Variants in NEGR1 observed in about 807,000 individuals in gnomAD.
The protein encoded by NEGR1 is IgLON family member 4.
A neutral mutation model predicts 40.9 loss-of-function variants in NEGR1; 10 were observed. The observed-to-expected ratio is 0.24, with a 90% CI of 0.15 to 0.42. The LOEUF (loss-of-function observed/expected upper bound fraction) is 0.42. NEGR1 is among the 10% of genes least tolerant of loss of function. The probability of loss-of-function intolerance (pLI) is 1.00; values close to 1 mark genes in which losing one functional copy is unlikely to be tolerated. For missense variants in NEGR1, 352 were observed against 438.9 expected (o/e 0.80, Z 1.77); for synonymous variants, 185 against 166.8 (o/e 1.11, Z -0.84).
At chr1:71,802,005 G>C (rs995789496) in intron 2 of NEGR1, among the ~76,000 whole-genome samples, 1 of 152,126 alleles carries the variant, frequency 6.6e-6, no homozygotes, top group Non-Finnish European at 1.5e-5. Flanking sequence ...ATCAGAGACT[G>C]AAAGAAAAAC....
At chr1:71,846,906 A>C (rs1402753344) in intron 2 of NEGR1, among the ~76,000 whole-genome samples, 2 of 152,146 alleles carry the variant, frequency 1.3e-5, no homozygotes, top group Non-Finnish European at 2.9e-5. Flanking sequence ...TGATACTGTT[A>C]CATTTGGTAT....
intron 4 of NEGR1, among the ~76,000 whole-genome samples, chr1:71,642,778 G>A (rs1184981743): frequency 6.6e-6 from 1 of 151,902 alleles, no homozygotes; most frequent in Admixed American, 6.6e-5. Flanking sequence ...ATCTATAAAT[G>A]TTTATTCTAT....
At chr1:71,704,142 ATCTC>A (rs151137477) in intron 3 of NEGR1, among the ~76,000 whole-genome samples, 87 of 139,218 alleles carry the variant, frequency 6.2e-4, no homozygotes, top group Non-Finnish European at 9.7e-4. Context: ...AGAAAATAGA[ATCTC>A]TCTCTCTCTC....
At chr1:71,697,710 T>C (rs954868515) in intron 4 of NEGR1, among the ~76,000 whole-genome samples, 1 of 151,762 alleles carries the variant, frequency 6.6e-6, no homozygotes, top group Non-Finnish European at 1.5e-5. Flanking sequence ...AACACCAGCA[T>C]ATGGCTACAG....
intron 1 of NEGR1, among the ~76,000 whole-genome samples, chr1:72,014,844 G>A (rs1022849651): frequency 1.3e-5 from 2 of 151,626 alleles, no homozygotes; most frequent in Non-Finnish European, 2.9e-5. Flanking sequence ...GGTCTTCAAT[G>A]TAACAATAAT....
intron 4 of NEGR1, among the ~76,000 whole-genome samples, chr1:71,634,922 A>G (rs1180377961): frequency 6.6e-6 from 1 of 152,252 alleles, no homozygotes; most frequent in East Asian, 1.9e-4. Context: ...CACAGGTTTA[A>G]GAGGCAGTTT....
At chr1:71,746,393 GA>G (rs1479920130) in intron 3 of NEGR1, among the ~76,000 whole-genome samples, 1 of 152,172 alleles carries the variant, frequency 6.6e-6, no homozygotes, top group Non-Finnish European at 1.5e-5. Flanking sequence ...AGCAAACTTA[GA>G]TAGGTGTTTC....
chr1:72,173,221 T>A (rs558525748), intron 1 of NEGR1, among the ~76,000 whole-genome samples: 1 of 150,946 alleles, frequency 6.6e-6, no homozygotes, highest in African/African-American at 2.4e-5. Flanking sequence ...TTGCCCAGAA[T>A]GGTCTCAAAC....
chr1:71,801,016 CT>C (rs1213437527), intron 2 of NEGR1, among the ~76,000 whole-genome samples: 1 of 152,194 alleles, frequency 6.6e-6, no homozygotes, highest in Non-Finnish European at 1.5e-5. Context: ...TTCCCTGCAA[CT>C]ACCTTCTTTC....
chr1:71,789,860 C>T (rs1657046849), intron 2 of NEGR1, among the ~76,000 whole-genome samples: 1 of 152,018 alleles, frequency 6.6e-6, no homozygotes, highest in African/African-American at 2.4e-5. Flanking sequence ...GTGGAAAATC[C>T]AAATATGCTA....
intron 6 of NEGR1, among the ~76,000 whole-genome samples, chr1:71,419,176 T>C (rs571633722): frequency 6.6e-6 from 1 of 152,318 alleles, no homozygotes; most frequent in African/African-American, 2.4e-5. Flanking sequence ...CCCACCAGTG[T>C]TCCAAAATTC....
intron 3 of NEGR1, among the ~76,000 whole-genome samples, chr1:71,720,565 C>T (rs1226733044): frequency 6.6e-6 from 1 of 152,094 alleles, no homozygotes; most frequent in African/African-American, 2.4e-5. Context: ...ACATATAAAC[C>T]TGTTGGTACT....
chr1:71,770,097 A>T (rs1273227089), intron 3 of NEGR1, among the ~76,000 whole-genome samples: 1 of 152,190 alleles, frequency 6.6e-6, no homozygotes, highest in East Asian at 1.9e-4. Context: ...AAATGAAATC[A>T]TACACTTCAC....
chr1:71,749,988 C>CTTTTTTTTTTTTTTTTTTTT lies in NEGR1; in HGVS notation c.535+26183_535+26184insAAAAAAAAAAAAAAAAAAAA, dbSNP rs768011020. Among the ~76,000 whole-genome samples the CTTTTTTTTTTTTTTTTTTTT allele has an allele frequency of 5.9e-5, 8 of 136,634 alleles. 1 individual carries two copies. Among genetic ancestry groups the CTTTTTTTTTTTTTTTTTTTT allele is most frequent in the African/African-American group, 1.9e-4 (7 of 36,196 alleles). The allele number at this position is 136,634 out of a possible 152,430, so 89.6% of individuals were successfully genotyped here. A position where few individuals can be genotyped will look rare whatever the true frequency, so the allele number is the denominator to read the frequency against. On this transcript the variant is annotated intron_variant, in intron 3 of 6. Transcript: ENST00000357731. The stretch of plus-strand genomic sequence containing the variant: ...TCCTGATGAAATGGTTTGCTCCTTT[C>CTTTTTTTTTTTTTTTTTTTT]TTTTTTTTTTTTTTTTGAGACGGAG...
chr1:71,695,005 G>A (rs1274558891), intron 4 of NEGR1, among the ~76,000 whole-genome samples: 1 of 151,710 alleles, frequency 6.6e-6, no homozygotes, highest in Non-Finnish European at 1.5e-5. Flanking sequence ...ACTCAATTTT[G>A]GGCTTTGACA....
intron 3 of NEGR1, among the ~76,000 whole-genome samples, chr1:71,734,869 A>G (rs1376696262): frequency 1.3e-5 from 2 of 151,906 alleles, no homozygotes; most frequent in Non-Finnish European, 2.9e-5. Flanking sequence ...TGTCCTCTTC[A>G]GTTCTCTTGT....
In NEGR1 at chr1:71,927,421, T is replaced by G. The variant is rs1336605775; in HGVS notation, c.409+7658A>C. 3.3e-5 allele frequency among the ~76,000 whole-genome samples: 5 copies of G among 152,262 alleles called. No homozygotes were observed. The East Asian group carries it at 9.7e-4, about 29-fold the overall frequency. On this transcript the variant is annotated intron_variant, in intron 2 of 6. Transcript: ENST00000357731. ...ATATTTGGGAAAATAATCTTAGATC[T>G]GAATTTGTCTGTGAAGGTACATTTG... is the stretch of plus-strand genomic sequence containing the variant.
chr1:72,080,396 T>C (rs1457749725), intron 1 of NEGR1, among the ~76,000 whole-genome samples: 1 of 152,078 alleles, frequency 6.6e-6, no homozygotes, highest in African/African-American at 2.4e-5. Context: ...GATTTTTATG[T>C]TCTTGGACAA....
chr1:72,038,479 ATACT>A (rs758944547), intron 1 of NEGR1, among the ~76,000 whole-genome samples: 14 of 152,026 alleles, frequency 9.2e-5, no homozygotes, highest in Non-Finnish European at 1.3e-4. Flanking sequence ...CTTAGCTGAG[ATACT>A]TACTGTGTTC....
Sources: gnomAD v4.1 joint callset for allele counts (sites outside exome capture counted in the v4.1 genomes callset) on GRCh38, gnomAD v4.1.1 for gene constraint, MANE v1.5 for transcripts, NCBI Gene and HGNC (gene_info 2026-07-23, HGNC 2026-07-21) for gene names.